MGA: variants seen among roughly 807,000 people sequenced by gnomAD.
MGA encodes the protein MAX gene-associated protein.
A neutral mutation model predicts 261.1 loss-of-function variants in MGA; 40 were observed. That is an observed-to-expected ratio of 0.15 (90% CI 0.12 to 0.20). MGA has a LOEUF of 0.20. Ranked by LOEUF, MGA falls within the 10% of genes least tolerant of loss-of-function variation. MGA has a pLI of 1.00. For missense variants in MGA, 3,397 were observed against 3,630.5 expected, an observed-to-expected ratio of 0.94 and a Z score of 1.65; for synonymous variants, 1,302 against 1,290.6, an observed-to-expected ratio of 1.01 and a Z score of -0.19.
chr15:41,667,437 G>A (rs537022125), intron 1 of MGA, among the ~76,000 whole-genome samples: 1 of 151,998 alleles, frequency 6.6e-6, no homozygotes, highest in Non-Finnish European at 1.5e-5. Context: ...GTAGAGACAG[G>A]GTTTCACCAT....
Position 41,725,594 on chromosome 15 carries a change from GAGGCCGAGGCGGGCGGAT to G in MGA, c.3431-1585_3431-1568del, listed in dbSNP as rs1241962349. ...CACGCCTGTAATCCCAGCACTTTGG[GAGGCCGAGGCGGGCGGAT>G]CACGAGGTCAGGAGATCGAGACCAT... On this transcript the variant is annotated intron_variant, in intron 9 of 23. Coordinates refer to ENST00000219905, the MANE Select transcript of MGA (RefSeq NM_001164273.2). 6.1e-4 allele frequency among the ~76,000 whole-genome samples: 5 copies of G among 8,248 alleles called. 2 individuals are homozygous for G. Among genetic ancestry groups the G allele is most frequent in the Admixed American group, 4.5e-3 (2 of 446 alleles). The allele number at this position is 8,248 out of a possible 152,430, so 5.4% of individuals were successfully genotyped here. A position where few individuals can be genotyped will look rare whatever the true frequency, so the allele number is the denominator to read the frequency against.
At chr15:41,635,496 GCCCAGGCAACATAGTGAGACCCC>G (rs1374337282) in intron 1 of MGA, among the ~76,000 whole-genome samples, 1 of 151,632 alleles carries the variant, frequency 6.6e-6, no homozygotes, top group Non-Finnish European at 1.5e-5. Flanking sequence ...TTTGAGACCA[GCCCAGGCAACATAGTGAGACCCC>G]CCCCCTCCTA....
chr15:41,630,205 C>T (rs987844652), intron 1 of MGA, among the ~76,000 whole-genome samples: 1 of 152,128 alleles, frequency 6.6e-6, no homozygotes, highest in Non-Finnish European at 1.5e-5. Context: ...CCTCCTGCTG[C>T]CCTGCCTCAA....
At chr15:41,734,694 C>A in intron 12 of MGA, 100 bp downstream of exon 12, 1 of 879,088 alleles carries the variant, frequency 1.1e-6, no homozygotes, top group South Asian at 2.0e-5. Context: ...CAGAATATGT[C>A]TGCCTACCCT....
chr15:41,720,086 A>G (rs764763652), intron 9 of MGA, among the ~76,000 whole-genome samples: 11 of 152,218 alleles, frequency 7.2e-5, no homozygotes, highest in Non-Finnish European at 1.3e-4. Flanking sequence ...CTTATAATTT[A>G]TATGGAAATG....
Position 41,727,182 on chromosome 15 carries a change from A to G in MGA, c.3433A>G (p.Ile1145Val), listed in dbSNP as rs1171333484. Residue 1145 changes from isoleucine to valine, a missense_variant and splice_region_variant, in exon 10 of 24, where the codon ATA (isoleucine) becomes GTA (valine). By Grantham distance (29) the Ile-to-Val change is conservative (BLOSUM62 3). Transcript: ENST00000219905. ...CCTTACCCTTCTTTTTTGTTAAGCT[A>G]TATGTGAGACAGAGCCTGAACAGCC... 7.4e-6 allele frequency: 12 copies of G among 1,611,528 alleles called. No individual in the cohort carries two copies. The highest frequency in any genetic ancestry group is 4.5e-5 in the East Asian group (2 of 44,860).
chr15:41,741,419 T>TA (rs1050026576), intron 14 of MGA, among the ~76,000 whole-genome samples: 2 of 147,578 alleles, frequency 1.4e-5, no homozygotes, highest in Non-Finnish European at 3.0e-5. Flanking sequence ...TTAAGGGGAG[T>TA]AAAAAAAGCA....
chr15:41,723,507 C>T (rs1045949294), intron 9 of MGA, among the ~76,000 whole-genome samples: 1 of 152,108 alleles, frequency 6.6e-6, no homozygotes, highest in Admixed American at 6.6e-5. Flanking sequence ...CCTTGATCTC[C>T]CTGGCTCAAG....
intron 2 of MGA, chr15:41,684,337 C>T (rs1298656855): frequency 2.3e-6 from 1 of 442,394 alleles, no homozygotes; most frequent in Admixed American, 2.6e-5. Context: ...TTACATAATG[C>T]CAACAAAAAA....
intron 10 of MGA, 113 bp downstream of exon 10, chr15:41,727,519 A>G: frequency 1.0e-6 from 1 of 984,456 alleles, no homozygotes; most frequent in Non-Finnish European, 1.5e-6. Context: ...TTTCAGTAAT[A>G]TGTTTATAAG....
intron 2 of MGA, among the ~76,000 whole-genome samples, chr15:41,693,404 C>G (rs570420552): frequency 1.4e-5 from 2 of 146,528 alleles, no homozygotes; most frequent in Non-Finnish European, 3.0e-5. Context: ...TGAGAATATG[C>G]GGTGTTTGGT....
upstream of MGA, among the ~76,000 whole-genome samples, chr15:41,656,377 T>TCTCTCTCTCACA (rs1555403733): frequency 6.1e-3 from 415 of 68,134 alleles, 18 homozygotes; most frequent in South Asian, 0.01. Flanking sequence ...TCTCTCTCTC[T>TCTCTCTCTCACA]CACACCCAGG....
chr15:41,730,812 T>C (rs2061469506), intron 11 of MGA, among the ~76,000 whole-genome samples: 1 of 152,238 alleles, frequency 6.6e-6, no homozygotes, highest in Admixed American at 6.5e-5. Flanking sequence ...CCCTCCTGGT[T>C]TAGTGTTCTA....
chr15:41,739,069 C>T (rs2061948187), intron 13 of MGA, among the ~76,000 whole-genome samples: 1 of 151,926 alleles, frequency 6.6e-6, no homozygotes, highest in African/African-American at 2.4e-5. Context: ...CTAGAGTTGC[C>T]TGGCAATATG....
At chr15:41,672,866 G>GCACACACACACACA (rs5812197) in intron 2 of MGA, among the ~76,000 whole-genome samples, 16 of 150,416 alleles carry the variant, frequency 1.1e-4, no homozygotes, top group South Asian at 2.1e-4. Flanking sequence ...ACATGCGTGT[G>GCACACACACACACA]CACACACACA....
chr15:41,687,184 G>A (rs562321035), intron 2 of MGA, among the ~76,000 whole-genome samples: 22 of 151,570 alleles, frequency 1.5e-4, no homozygotes, highest in African/African-American at 5.3e-4. Flanking sequence ...ACTTGTTTTT[G>A]GTTTAATTTG....
intron 15 of MGA, among the ~76,000 whole-genome samples, chr15:41,747,754 A>C (rs1233751234): frequency 6.6e-6 from 1 of 152,178 alleles, no homozygotes; most frequent in Non-Finnish European, 1.5e-5. Context: ...AGGAATCCAG[A>C]TTTAGAGAGA....
In MGA at chr15:41,767,482, AC is replaced by A. The variant is rs2063858810; in HGVS notation, c.*204del. 2.1e-5 allele frequency: 13 copies of A among 605,464 alleles called. No homozygotes were observed. The South Asian group carries it at 2.2e-4, about 10-fold the overall frequency. The allele number at this position is 605,464 out of a possible 1,614,324, so 37.5% of individuals were successfully genotyped here. A position where few individuals can be genotyped will look rare whatever the true frequency, so the allele number is the denominator to read the frequency against. Reference sequence around the variant, plus strand: ...AATTCTGATCATGTTAAAATGTGTTACCTCACTTGTGGTGCTGGGTCCCCTC... The same window carrying A: ...AATTCTGATCATGTTAAAATGTGTTACTCACTTGTGGTGCTGGGTCCCCTC... On this transcript the variant is annotated 3_prime_UTR_variant, in exon 24 of 24. Coordinates refer to ENST00000219905, the MANE Select transcript of MGA (RefSeq NM_001164273.2).
intron 5 of MGA, among the ~76,000 whole-genome samples, chr15:41,700,965 T>G (rs1301691100): frequency 2.0e-5 from 3 of 152,204 alleles, no homozygotes; most frequent in African/African-American, 7.2e-5. Context: ...ACTTGAAGAA[T>G]TTTTGCTTTA....
Sources: gnomAD v4.1 joint callset for allele counts (sites outside exome capture counted in the v4.1 genomes callset) on GRCh38, gnomAD v4.1.1 for gene constraint, MANE v1.5 for transcripts, NCBI Gene and HGNC (gene_info 2026-07-23, HGNC 2026-07-21) for gene names.